Variants in CDHR2 observed in about 807,000 individuals in gnomAD.
CDHR2 encodes the protein cadherin related family member 2, also known as cadherin-related family member 2.
A neutral mutation model predicts 138.6 loss-of-function variants in CDHR2; 104 were observed. That is an observed-to-expected ratio of 0.75 (90% CI 0.64 to 0.88). The LOEUF (loss-of-function observed/expected upper bound fraction) is 0.88. CDHR2 is among the 40% of genes least tolerant of loss of function. The pLI is 0.00. For synonymous variants in CDHR2, 755 were observed against 742.8 expected (o/e 1.02, Z -0.27); for missense variants, 1,624 against 1,727.6 (o/e 0.94, Z 1.06).
At chr5:176,592,684 G>A in intron 30 of CDHR2, 39 bp from the exon 31 acceptor site, 1 of 1,596,402 alleles carries the variant, frequency 6.3e-7, no homozygotes. Flanking sequence ...AGGGAGGACT[G>A]GGCCTGCCAA....
chr5:176,592,215 GTGATGA>G (rs750256235), intron 30 of CDHR2, among the ~76,000 whole-genome samples: 11 of 148,102 alleles, frequency 7.4e-5, no homozygotes, highest in African/African-American at 2.8e-4. Context: ...GGTGATGGTG[GTGATGA>G]TGGTGATGAT....
At chr5:176,591,968 T>G (rs1758868722) in intron 30 of CDHR2, among the ~76,000 whole-genome samples, 1 of 130,260 alleles carries the variant, frequency 7.7e-6, no homozygotes. Context: ...ACGGTGGTGG[T>G]GGTGGTGGTG....
At chr5:176,586,083 A>C in intron 20 of CDHR2, 58 bp downstream of exon 20, 1 of 1,414,294 alleles carries the variant, frequency 7.1e-7, no homozygotes, top group Admixed American at 1.7e-5. Flanking sequence ...GCCTTTGAGC[A>C]ACCCCGACAG....
rs114267729 is a variant in CDHR2, at chr5:176,584,598, G to A, written c.2317G>A (p.Val773Ile). ...DVSLDYETQP[V>I]FNLTVSAENP... Reference sequence around the variant, plus strand: ...GAGCCTGGATTACGAGACACAGCCCGTCTTCAACTTGACAGTGAGTGCTGA... The same window carrying A: ...GAGCCTGGATTACGAGACACAGCCCATCTTCAACTTGACAGTGAGTGCTGA... The change falls in exon 19 of 32, where the codon GTC becomes ATC. Residue 773 changes from valine (V) to isoleucine (I), a missense_variant. By Grantham distance (29) the Val-to-Ile change is conservative. Transcript: ENST00000261944. The A allele has an allele frequency of 1.1e-4, 176 of 1,606,750 alleles. 1 individual carries two copies. The highest frequency in any genetic ancestry group is 5.9e-4 in the South Asian group (53 of 90,400).
intron 30 of CDHR2, 113 bp from the exon 31 acceptor site, chr5:176,592,607 GTGA>G (rs1190816384): frequency 6.4e-5 from 51 of 795,188 alleles, no homozygotes; most frequent in Admixed American, 3.7e-5. Flanking sequence ...GGTGGTGATG[GTGA>G]TGATGGTGGT....
chr5:176,556,280 G>A (rs1428963220), intron 1 of CDHR2, among the ~76,000 whole-genome samples: 4 of 152,236 alleles, frequency 2.6e-5, no homozygotes, highest in South Asian at 2.1e-4. Context: ...GAGATGGGAG[G>A]ATCGCTTGAG....
Position 176,578,015 on chromosome 5 carries a change from C to T in CDHR2, c.1513-19C>T, listed in dbSNP as rs773365774. 6.2e-7 allele frequency: 1 copy of T among 1,605,412 alleles called. No individual in the cohort carries two copies. The highest frequency in any genetic ancestry group is 1.1e-5 in the South Asian group (1 of 90,130). ...TGCATCGCCTCCACACAGCACCCTG[C>T]CATGTCTCTGCCTCACAGGCCACGG... On this transcript the variant is annotated intron_variant, in intron 14 of 31. Coordinates refer to ENST00000261944, the MANE Select transcript of CDHR2 (RefSeq NM_017675.6).
intron 1 of CDHR2, among the ~76,000 whole-genome samples, chr5:176,549,806 C>T (rs1018052809): frequency 6.6e-6 from 1 of 152,198 alleles, no homozygotes; most frequent in African/African-American, 2.4e-5. Context: ...CGGTTCACAT[C>T]CCAGCTCCAC....
intron 6 of CDHR2, among the ~76,000 whole-genome samples, chr5:176,572,426 T>A (rs1392725776): frequency 6.7e-6 from 1 of 150,158 alleles, no homozygotes; most frequent in Non-Finnish European, 1.5e-5. Flanking sequence ...ATAAAAAAAT[T>A]AAAAAATTAA....
chr5:176,575,043 G>C, intron 7 of CDHR2, 41 bp from the exon 8 acceptor site: 1 of 1,611,686 alleles, frequency 6.2e-7, no homozygotes, highest in Non-Finnish European at 8.5e-7. Context: ...TCGGTGCAGG[G>C]CTGTCCCTAG....
Position 176,577,751 on chromosome 5 carries a change from G to C in CDHR2, c.1465G>C (p.Val489Leu). ...TCCCCAGAGCTTGTACGTCCTCACG[G>C]TGCCAGAGCACAGCGCCACCGGCTC... ...TFPQSLYVLTVPEHSATGSVV... is the reference protein window; with the variant it reads ...TFPQSLYVLTLPEHSATGSVV... Residue 489 changes from valine (V) to leucine (L), a missense_variant, in exon 14 of 32, where the codon GTG (valine) becomes CTG (leucine). By Grantham distance (32) the Val-to-Leu change is conservative. Coordinates refer to ENST00000261944, the MANE Select transcript of CDHR2 (RefSeq NM_017675.6). The C allele has an allele frequency of 6.2e-7, 1 of 1,614,192 alleles. No homozygotes were observed. The highest frequency in any genetic ancestry group is 8.5e-7 in the Non-Finnish European group (1 of 1,180,042).
chr5:176,580,374 C>CA (rs1402361220), intron 16 of CDHR2, among the ~76,000 whole-genome samples: 1 of 147,630 alleles, frequency 6.8e-6, no homozygotes, highest in African/African-American at 2.5e-5. Flanking sequence ...ACTAAAATTA[C>CA]AAAAATTAGC....
chr5:176,590,052 C>T lies in CDHR2; in HGVS notation c.3207-26C>T, dbSNP rs202097186. On this transcript the variant is annotated intron_variant, in intron 24 of 31. Coordinates refer to ENST00000261944, the MANE Select transcript of CDHR2 (RefSeq NM_017675.6). ...ACAGGCCCAGGCTAAGACCCCAGGC[C>T]TCTGTGACATCTGCCTTCTTTGCAG... The T allele has an allele frequency of 1.4e-5, 23 of 1,601,246 alleles. No homozygotes were observed. In the African/African-American group the frequency reaches 3.1e-4, roughly 21 times the overall value.
Position 176,543,168 on chromosome 5 carries a change from G to T in CDHR2, c.-16+399G>T, listed in dbSNP as rs1364581971. On this transcript the variant is annotated intron_variant, in intron 1 of 31. Coordinates refer to the CDHR2 transcript ENST00000510636. This position sits in a 1 kb window ranked among gnomAD's most constrained non-coding sequence, Gnocchi z 4.0. The stretch of plus-strand genomic sequence containing the variant: ...GGCCTGGCGGGAAGACCCCGCGTGC[G>T]TTCCTCCGCCGGCCCGCGGCCGCCC... Among the ~76,000 whole-genome samples, 1 of 150,276 alleles carries T rather than the reference G, an allele frequency of 6.7e-6. No individual in the cohort carries two copies. Among genetic ancestry groups the T allele is most frequent in the East Asian group, 1.9e-4 (1 of 5,142 alleles).
chr5:176,542,976 G>A (rs928844026), intron 1 of CDHR2, among the ~76,000 whole-genome samples: 1 of 152,102 alleles, frequency 6.6e-6, no homozygotes, highest in Non-Finnish European at 1.5e-5. Context: ...GGGACTCGCC[G>A]GGGGTGGCGG....
chr5:176,586,082 C>A, intron 20 of CDHR2, 57 bp downstream of exon 20: 1 of 1,409,814 alleles, frequency 7.1e-7, no homozygotes. Context: ...CGCCTTTGAG[C>A]AACCCCGACA....
chr5:176,560,078 GT>G (rs1201046034), intron 1 of CDHR2, among the ~76,000 whole-genome samples: 8 of 152,308 alleles, frequency 5.3e-5, no homozygotes, highest in Admixed American at 2.0e-4. Flanking sequence ...CCCCAAAGAT[GT>G]CAAAGCATCA....
In CDHR2 at chr5:176,572,390, A is replaced by AAAATAAATAAATAAATAAATAAAT. The variant is rs10527338; in HGVS notation, c.405+1091_405+1114dup. 4.6e-3 allele frequency among the ~76,000 whole-genome samples: 685 copies of AAAATAAATAAATAAATAAATAAAT among 148,584 alleles called. 6 individuals carry two copies. The highest frequency in any genetic ancestry group is 0.015 in the African/African-American group (599 of 40,190). On this transcript the variant is annotated intron_variant, in intron 6 of 31. Coordinates refer to ENST00000261944, the MANE Select transcript of CDHR2 (RefSeq NM_017675.6). ...GCAACAAGAACAAAACTCCATCTCAAAAATAAATAAATAAATAAATAAATA... is the reference window on the plus strand; with the variant it reads ...GCAACAAGAACAAAACTCCATCTCAAAAATAAATAAATAAATAAATAAATAAATAAATAAATAAATAAATAAATA...
intron 1 of CDHR2, among the ~76,000 whole-genome samples, chr5:176,549,792 T>A (rs1344037462): frequency 6.6e-6 from 1 of 152,214 alleles, no homozygotes; most frequent in Admixed American, 6.5e-5. Context: ...TTACCCCAGC[T>A]GCTCGGTTCA....
Sources: gnomAD v4.1 joint callset for allele counts (sites outside exome capture counted in the v4.1 genomes callset) on GRCh38, gnomAD v4.1.1 for gene constraint, Gnocchi (gnomAD v3.1) non-coding constraint, MANE v1.5 for transcripts, NCBI Gene and HGNC (gene_info 2026-07-23, HGNC 2026-07-21) for gene names.